Variants in COL26A1 observed in about 807,000 individuals in gnomAD.
The protein encoded by COL26A1 is collagen type XXVI alpha 1 chain.
In COL26A1, 41 loss-of-function variants were observed where a neutral mutation model predicts 59.3. The observed-to-expected ratio is 0.69, with a 90% CI of 0.54 to 0.90. The LOEUF (loss-of-function observed/expected upper bound fraction) is 0.90. Among genes scored for constraint, COL26A1 ranks in the 40% least tolerant of loss-of-function variants. The probability of loss-of-function intolerance (pLI) is 0.00; values close to 1 mark genes in which losing one functional copy is unlikely to be tolerated. For missense variants in COL26A1, 612 were observed against 602.3 expected (o/e 1.02, Z -0.17); for synonymous variants, 266 against 256.0 (o/e 1.04, Z -0.37).
intron 3 of COL26A1, among the ~76,000 whole-genome samples, chr7:101,521,253 C>G (rs1339276458): frequency 6.6e-6 from 1 of 152,220 alleles, no homozygotes; most frequent in East Asian, 1.9e-4. Context: ...GTGTCCCTCC[C>G]TTGATACATG....
At chr7:101,437,924 G>T (rs1027238106) in intron 2 of COL26A1, among the ~76,000 whole-genome samples, 2 of 151,604 alleles carry the variant, frequency 1.3e-5, no homozygotes, top group East Asian at 1.9e-4. Context: ...TGTTGCTCAG[G>T]TTGGTCTTGA....
intron 2 of COL26A1, among the ~76,000 whole-genome samples, chr7:101,427,603 A>G (rs967126685): frequency 1.3e-5 from 2 of 152,026 alleles, no homozygotes; most frequent in African/African-American, 4.8e-5. Flanking sequence ...CGGAGATTGC[A>G]GTAACCAAGA....
chr7:101,369,803 T>C (rs1413247967), intron 1 of COL26A1, among the ~76,000 whole-genome samples: 1 of 152,140 alleles, frequency 6.6e-6, no homozygotes, highest in Non-Finnish European at 1.5e-5. Context: ...TACAGCATTT[T>C]GCATTCCCAT....
At chr7:101,388,046 G>A (rs1229866931) in intron 1 of COL26A1, among the ~76,000 whole-genome samples, 1 of 151,296 alleles carries the variant, frequency 6.6e-6, no homozygotes, top group Non-Finnish European at 1.5e-5. Context: ...GTACAGGCGT[G>A]AGCCACTGCG....
intron 1 of COL26A1, among the ~76,000 whole-genome samples, chr7:101,370,731 T>C (rs1218458012): frequency 6.6e-6 from 1 of 152,184 alleles, no homozygotes; most frequent in Non-Finnish European, 1.5e-5. Context: ...ATTCACTTTC[T>C]TGTGGTTTCG....
At chr7:101,372,061 A>AC (rs1791207723) in intron 1 of COL26A1, among the ~76,000 whole-genome samples, 1 of 151,986 alleles carries the variant, frequency 6.6e-6, no homozygotes, top group African/African-American at 2.4e-5. Flanking sequence ...AGGATAGTAA[A>AC]CCCTCTGTTC....
intron 3 of COL26A1, among the ~76,000 whole-genome samples, chr7:101,455,648 G>A (rs1024082710): frequency 6.6e-6 from 1 of 151,524 alleles, no homozygotes; most frequent in South Asian, 2.1e-4. Context: ...GATTACAGGT[G>A]TGCACCACCA....
intron 1 of COL26A1, among the ~76,000 whole-genome samples, chr7:101,399,892 G>A (rs558988619): frequency 1.3e-5 from 2 of 152,250 alleles, no homozygotes; most frequent in South Asian, 2.1e-4. Flanking sequence ...CATGGCCCCC[G>A]CTGCCCCTGG....
rs571496662 is a variant in COL26A1, at chr7:101,390,258, C to T, written c.158+27068C>T. ...CTGCAACCTGCCTTCTGGGTTCAAG[C>T]GATTCTCCTGCCTCAGCCTCCCGAG... On this transcript the variant is annotated intron_variant, in intron 1 of 12. Transcript: ENST00000313669. Among the ~76,000 whole-genome samples the T allele has an allele frequency of 2.8e-5, 4 of 142,434 alleles. No individual in the cohort carries two copies. The East Asian group carries it at 6.5e-4, about 23-fold the overall frequency. 93.4% of individuals were successfully genotyped at this position (142,434 alleles called of 152,430 possible). A position where few individuals can be genotyped will look rare whatever the true frequency, so the allele number is the denominator to read the frequency against.
intron 3 of COL26A1, among the ~76,000 whole-genome samples, chr7:101,466,594 G>A (rs1793762393): frequency 6.6e-6 from 1 of 152,166 alleles, no homozygotes; most frequent in Non-Finnish European, 1.5e-5. Context: ...GGAGGCAAAA[G>A]TGGGAGAATC....
intron 2 of COL26A1, among the ~76,000 whole-genome samples, chr7:101,444,207 C>T (rs114666620): frequency 3.0e-4 from 46 of 151,940 alleles, no homozygotes; most frequent in African/African-American, 1.1e-3. Context: ...ATTGAAGTGT[C>T]TCGCTCTTCT....
chr7:101,551,186 A>C (rs1471833775), intron 10 of COL26A1, 43 bp downstream of exon 10: 2 of 1,212,524 alleles, frequency 1.6e-6, no homozygotes, highest in Non-Finnish European at 2.2e-6. Context: ...ACTCCCAGGC[A>C]GAGGCTCTGA....
chr7:101,373,481 C>T lies in COL26A1; in HGVS notation c.158+10291C>T, dbSNP rs542969941. Among the ~76,000 whole-genome samples the T allele has an allele frequency of 3.3e-5, 5 of 152,254 alleles. No homozygotes were observed. The South Asian group carries it at 6.2e-4, about 19-fold the overall frequency. ...AATTTCAGCATCTCCTGGACTTGCACGGATCAGGTGCTCAAGGAAAGTTTG... is the reference window on the plus strand; with the variant it reads ...AATTTCAGCATCTCCTGGACTTGCATGGATCAGGTGCTCAAGGAAAGTTTG... On this transcript the variant is annotated intron_variant, in intron 1 of 12. Coordinates refer to ENST00000313669, the MANE Select transcript of COL26A1 (RefSeq NM_001278563.3).
intron 1 of COL26A1, among the ~76,000 whole-genome samples, chr7:101,396,856 C>T (rs1791866725): frequency 6.6e-6 from 1 of 152,154 alleles, no homozygotes; most frequent in Non-Finnish European, 1.5e-5. Flanking sequence ...ATGCAGCTCC[C>T]TAGAGCAAGA....
Position 101,363,159 on chromosome 7 carries a change from G to C in COL26A1, c.127G>C (p.Gly43Arg). Reference sequence around the variant, plus strand: ...GCACGGCTACCCCGAGCCCGGCGCCGGCTCCCCTGGCAGCGGCTACGCGAG... The same window carrying C: ...GCACGGCTACCCCGAGCCCGGCGCCCGCTCCCCTGGCAGCGGCTACGCGAG... ...QQHGYPEPGA[G>R]SPGSGYASRR... The change falls in exon 1 of 13, where the codon GGC (glycine) becomes CGC (arginine). Residue 43 changes from glycine to arginine, a missense_variant. By Grantham distance (125) the Gly-to-Arg change is moderately radical. Transcript: ENST00000313669. 2.0e-6 allele frequency: 3 copies of C among 1,508,766 alleles called. No individual in the cohort carries two copies. Among genetic ancestry groups the C allele is most frequent in the Non-Finnish European group, 1.8e-6 (2 of 1,136,056 alleles). 93.5% of individuals were successfully genotyped at this position (1,508,766 alleles called of 1,614,324 possible).
At chr7:101,494,127 C>CGTTTTGTTTT (rs148496430) in intron 3 of COL26A1, among the ~76,000 whole-genome samples, 1 of 151,396 alleles carries the variant, frequency 6.6e-6, no homozygotes, top group Non-Finnish European at 1.5e-5. Context: ...ATTGCATTGT[C>CGTTTTGTTTT]GTTTTGTTTT....
At chr7:101,490,521 G>A (rs2130528984) in intron 3 of COL26A1, among the ~76,000 whole-genome samples, 1 of 152,078 alleles carries the variant, frequency 6.6e-6, no homozygotes, top group South Asian at 2.1e-4. Flanking sequence ...GACCAACATG[G>A]TGAAACTCAT....
intron 4 of COL26A1, among the ~76,000 whole-genome samples, chr7:101,538,490 G>A (rs1795531054): frequency 6.6e-6 from 1 of 152,226 alleles, no homozygotes; most frequent in Non-Finnish European, 1.5e-5. Flanking sequence ...CACCTCATTT[G>A]TGATGTCGCC....
chr7:101,449,140 A>T (rs989355833), intron 3 of COL26A1, among the ~76,000 whole-genome samples: 1 of 152,036 alleles, frequency 6.6e-6, no homozygotes, highest in Non-Finnish European at 1.5e-5. Context: ...GCTGACTTGG[A>T]CCCTTCTTTG....
Sources: allele counts gnomAD v4.1 joint callset (sites outside exome capture counted in the v4.1 genomes callset), GRCh38; gene constraint gnomAD v4.1.1; transcripts MANE v1.5; gene names NCBI Gene and HGNC (gene_info 2026-07-23, HGNC 2026-07-21).